The following RNASEH2B variants were observed in gnomAD, a reference collection of about 807,000 sequenced individuals.
The protein encoded by RNASEH2B is ribonuclease H2 subunit B.
RNASEH2B carries 36 observed loss-of-function variants against 45.0 expected under a neutral mutation model. That is an observed-to-expected ratio of 0.80 (90% CI 0.61 to 1.06). RNASEH2B has a LOEUF of 1.06. RNASEH2B is among the 50% of genes least tolerant of loss of function. The probability of loss-of-function intolerance (pLI) is 0.00; values close to 1 mark genes in which losing one functional copy is unlikely to be tolerated. For synonymous variants in RNASEH2B, 119 were observed against 125.7 expected, an observed-to-expected ratio of 0.95 and a Z score of 0.35; for missense variants, 361 against 360.3, an observed-to-expected ratio of 1.00 and a Z score of -0.02.
In RNASEH2B at chr13:50,943,321, G is replaced by T. The variant is rs1566086212; in HGVS notation, c.437G>T (p.Gly146Val). 1.3e-6 allele frequency: 2 copies of T among 1,562,826 alleles called. No homozygotes were observed. Among genetic ancestry groups the T allele is most frequent in the Non-Finnish European group, 1.8e-6 (2 of 1,136,974 alleles). ...KLLHHVTEEK[G>V]NPEIDNKKYY... Reference sequence around the variant, plus strand: ...TGCTGAGTCTTTTTTTTCTTTTAAGGTAATCCAGAAATAGACAACAAGAAA... The same window carrying T: ...TGCTGAGTCTTTTTTTTCTTTTAAGTTAATCCAGAAATAGACAACAAGAAA... Residue 146 changes from glycine to valine, a missense_variant and splice_region_variant, in exon 6 of 11, where the codon GGT (glycine) becomes GTT (valine). Coordinates refer to ENST00000336617, the MANE Select transcript of RNASEH2B (RefSeq NM_024570.4).
At chr13:50,919,368 A>G (rs117518119) in intron 1 of RNASEH2B, among the ~76,000 whole-genome samples, 1,899 of 152,302 alleles carry the variant, frequency 0.012, 15 homozygotes, top group Non-Finnish European at 0.018. Flanking sequence ...TGTGTAACCT[A>G]ACTTCTCAGC....
At chr13:50,945,358 C>G in intron 6 of RNASEH2B, 69 bp from the exon 7 acceptor site, 1 of 1,067,240 alleles carries the variant, frequency 9.4e-7, no homozygotes. Flanking sequence ...TGAAGGCCAC[C>G]TATGAATTCA....
At chr13:50,945,656 A>G (rs1951891972) in intron 7 of RNASEH2B, 124 bp downstream of exon 7, 3 of 706,968 alleles carry the variant, frequency 4.2e-6, no homozygotes, top group Non-Finnish European at 5.2e-6. Context: ...AATGCCTCAT[A>G]CACATTGTGG....
At chr13:50,947,551 A>G (rs1951918731) in intron 7 of RNASEH2B, among the ~76,000 whole-genome samples, 1 of 151,294 alleles carries the variant, frequency 6.6e-6, no homozygotes, top group Non-Finnish European at 1.5e-5. Flanking sequence ...GAGTACACTC[A>G]TTACTGTTGA....
chr13:50,937,510 A>C (rs1951770708), intron 5 of RNASEH2B: 1 of 152,220 alleles, frequency 6.6e-6, no homozygotes, highest in African/African-American at 2.4e-5. Flanking sequence ...TATAGGTGTG[A>C]GTCACCATGC....
intron 4 of RNASEH2B, 47 bp from the exon 5 acceptor site, chr13:50,934,838 G>C (rs1336937224): frequency 1.5e-6 from 2 of 1,292,568 alleles, no homozygotes; most frequent in African/African-American, 2.9e-5. Context: ...TTTTCTGAAT[G>C]TCTTTGTTGA....
In RNASEH2B at chr13:50,947,663, T is replaced by A. The variant is rs117254237; in HGVS notation, c.617-324T>A. ...GTTGTAGATGATTTTTAAACTTTAT[T>A]TGTATTCAGTGGTTTCAAATAAGAA... On this transcript the variant is annotated intron_variant, in intron 7 of 10. Transcript: ENST00000336617. Among the ~76,000 whole-genome samples the A allele has an allele frequency of 3.3e-3, 499 of 152,216 alleles. 21 individuals are homozygous for A. The East Asian group carries it at 0.089, about 27-fold the overall frequency.
At chr13:50,930,931 C>T in intron 4 of RNASEH2B, 172 bp downstream of exon 4, 1 of 655,074 alleles carries the variant, frequency 1.5e-6, no homozygotes, top group South Asian at 1.6e-5. Context: ...CACTACTGCA[C>T]AGGCCAGAGA....
Position 50,930,636 on chromosome 13 carries a change from G to A in RNASEH2B, c.245-47G>A, listed in dbSNP as rs375826744. 77 of 1,347,084 alleles carry A rather than the reference G, an allele frequency of 5.7e-5. No homozygotes were observed. In the African/African-American group the frequency reaches 9.8e-4, roughly 17 times the overall value. The allele number at this position is 1,347,084 out of a possible 1,614,324, so 83.4% of individuals were successfully genotyped here. ...GAGATTAAGGTGAAATAGCCACATT[G>A]TCTTTCCAAGACGTTTAATTCCCTT... is the stretch of plus-strand genomic sequence containing the variant. On this transcript the variant is annotated intron_variant, in intron 3 of 10. Transcript: ENST00000336617.
chr13:50,924,017 A>T (rs1284870848), intron 1 of RNASEH2B, among the ~76,000 whole-genome samples: 1 of 152,202 alleles, frequency 6.6e-6, no homozygotes, highest in East Asian at 1.9e-4. Flanking sequence ...CCACTAAGAA[A>T]ATAACTCCTT....
At chr13:50,961,563 TTCA>T (rs1241792301), downstream of RNASEH2B, among the ~76,000 whole-genome samples, 16 of 152,198 alleles carry the variant, frequency 1.1e-4, no homozygotes, top group African/African-American at 3.9e-4. Context: ...CGACTGGAGT[TTCA>T]GCCTCTTGTC....
chr13:50,956,377 C>A lies in RNASEH2B; in HGVS notation c.842C>A (p.Ala281Glu). The change falls in exon 11 of 11, where the codon GCA (alanine) becomes GAA (glutamate). Residue 281 changes from alanine (A) to glutamate (E), a missense_variant. Physicochemically the swap from Ala to Glu is moderately radical, Grantham distance 107. Coordinates refer to ENST00000336617, the MANE Select transcript of RNASEH2B (RefSeq NM_024570.4). ...TAACAGAAAAATAGCAAAATGACTG[C>A]AGCTCAGAAGGCTTTGGCTAAAGTT... ...KTEKKNSKMT[A>E]AQKALAKVDK... The A allele has an allele frequency of 6.2e-7, 1 of 1,601,520 alleles. No homozygotes were observed. Among genetic ancestry groups the A allele is most frequent in the Non-Finnish European group, 8.5e-7 (1 of 1,171,956 alleles).
At chr13:50,967,078 G>A (rs1593488011) in intron 9 of RNASEH2B, among the ~76,000 whole-genome samples, 2 of 152,220 alleles carry the variant, frequency 1.3e-5, no homozygotes, top group African/African-American at 2.4e-5. Context: ...CATGAAATGG[G>A]ACTATATCAT....
chr13:50,947,434 T>A (rs907273794), intron 7 of RNASEH2B, among the ~76,000 whole-genome samples: 2 of 151,474 alleles, frequency 1.3e-5, no homozygotes, highest in African/African-American at 4.8e-5. Context: ...TATGTAGAAC[T>A]ATGTATATAG....
intron 1 of RNASEH2B, among the ~76,000 whole-genome samples, chr13:50,919,334 T>G (rs139765794): frequency 2.0e-3 from 301 of 152,326 alleles, no homozygotes; most frequent in African/African-American, 7.1e-3. Flanking sequence ...TACGGAATGG[T>G]TAAGTCTGTG....
chr13:50,938,804 G>C (rs529164717), intron 5 of RNASEH2B: 4 of 152,324 alleles, frequency 2.6e-5, no homozygotes, highest in East Asian at 3.9e-4. Context: ...CCAGTACATG[G>C]CTTAGGGACT....
Position 50,910,061 on chromosome 13 carries a change from G to A in RNASEH2B, c.-16G>A. 2 of 1,461,244 alleles carry A rather than the reference G, an allele frequency of 1.4e-6. No homozygotes were observed. The highest frequency in any genetic ancestry group is 1.8e-6 in the Non-Finnish European group (2 of 1,111,522). 90.5% of individuals were successfully genotyped at this position (1,461,244 alleles called of 1,614,324 possible). ...CGCGGCGCTGAGCCTGCGGCGCCCC[G>A]GAAGAGGCGGGCGGCATGGCCGCTG... On this transcript the variant is annotated 5_prime_UTR_variant, in exon 1 of 11. Coordinates refer to ENST00000336617, the MANE Select transcript of RNASEH2B (RefSeq NM_024570.4).
chr13:50,923,664 A>G lies in RNASEH2B; in HGVS notation c.65-3743A>G, dbSNP rs78175339. On this transcript the variant is annotated intron_variant, in intron 1 of 10. Transcript: ENST00000336617. The stretch of plus-strand genomic sequence containing the variant: ...TGTCACTAGCAGACCTGTCCCACAA[A>G]AATTATGAAGGGAGTCCTTCAGATT... 1.1e-4 allele frequency among the ~76,000 whole-genome samples: 16 copies of G among 152,350 alleles called. No individual in the cohort carries two copies. In the East Asian group the frequency reaches 2.5e-3, roughly 24 times the overall value.
chr13:50,924,323 A>G (rs1237844048), intron 1 of RNASEH2B, among the ~76,000 whole-genome samples: 1 of 152,248 alleles, frequency 6.6e-6, no homozygotes, highest in Non-Finnish European at 1.5e-5. Flanking sequence ...CAACAAAAAT[A>G]GTTTGAAAAT....
Sources: gnomAD v4.1 joint callset for allele counts (sites outside exome capture counted in the v4.1 genomes callset) on GRCh38, gnomAD v4.1.1 for gene constraint, MANE v1.5 for transcripts, NCBI Gene and HGNC (gene_info 2026-07-23, HGNC 2026-07-21) for gene names.